Variants in KIAA1217 observed in about 807,000 individuals in gnomAD.
KIAA1217 encodes KIAA1217.
In KIAA1217, 88 loss-of-function variants were observed where a neutral mutation model predicts 163.9. The ratio of observed to expected loss-of-function variants is 0.54; its 90% CI spans 0.45 to 0.64. KIAA1217 has a LOEUF of 0.64. Ranked by LOEUF, KIAA1217 falls within the 30% of genes least tolerant of loss-of-function variation. KIAA1217 has a pLI of 0.00. For missense variants in KIAA1217, 2,372 were observed against 2,475.0 expected (o/e 0.96, Z 0.88); for synonymous variants, 903 against 923.1 (o/e 0.98, Z 0.39).
intron 2 of KIAA1217, among the ~76,000 whole-genome samples, chr10:24,254,856 A>ATTT (rs201463239): frequency 7.0e-6 from 1 of 143,114 alleles, no homozygotes; most frequent in Non-Finnish European, 1.5e-5. Context: ...TTCAACTCTA[A>ATTT]TTTTTTTTTT....
intron 1 of KIAA1217, among the ~76,000 whole-genome samples, chr10:23,872,434 G>C (rs1840498073): frequency 6.6e-6 from 1 of 152,106 alleles, no homozygotes; most frequent in Admixed American, 6.6e-5. Context: ...GAGAGGCTAA[G>C]CATGCTGTTT....
chr10:24,524,069 G>A (rs190585609), intron 12 of KIAA1217, among the ~76,000 whole-genome samples: 37 of 152,292 alleles, frequency 2.4e-4, no homozygotes, highest in Middle Eastern at 3.4e-3. Flanking sequence ...AGAATCAGGC[G>A]GAGGAGTTAG....
chr10:24,230,497 G>GTT (rs1466924722), intron 2 of KIAA1217, among the ~76,000 whole-genome samples: 575 of 48,134 alleles, frequency 0.012, 7 homozygotes, highest in African/African-American at 0.034. Context: ...ACTACTATTT[G>GTT]TTTTGTTTTT....
At chr10:23,861,362 G>A (rs183929779) in intron 1 of KIAA1217, among the ~76,000 whole-genome samples, 72 of 152,284 alleles carry the variant, frequency 4.7e-4, no homozygotes, top group Non-Finnish European at 8.8e-5. Flanking sequence ...TTATAGTAGT[G>A]GTTTTCTGAG....
intron 1 of KIAA1217, among the ~76,000 whole-genome samples, chr10:24,006,848 C>A (rs1004598687): frequency 6.6e-6 from 1 of 152,108 alleles, no homozygotes; most frequent in Non-Finnish European, 1.5e-5. Context: ...ATTAGAGATG[C>A]GAGTCTGCAA....
chr10:23,787,700 G>T (rs1835556352), intron 1 of KIAA1217, among the ~76,000 whole-genome samples: 1 of 152,046 alleles, frequency 6.6e-6, no homozygotes, highest in African/African-American at 2.4e-5. Context: ...AATTCAATGT[G>T]TTACATGCAT....
At chr10:24,479,643 G>A (rs938081739) in intron 6 of KIAA1217, among the ~76,000 whole-genome samples, 2 of 152,162 alleles carry the variant, frequency 1.3e-5, no homozygotes, top group African/African-American at 4.8e-5. Context: ...CTGAGACTGG[G>A]TACTTTGTAA....
chr10:23,970,085 G>T (rs986257981), intron 1 of KIAA1217, among the ~76,000 whole-genome samples: 3 of 152,148 alleles, frequency 2.0e-5, no homozygotes, highest in Non-Finnish European at 4.4e-5. Context: ...ACACCACATG[G>T]GAATTATGGG....
intron 5 of KIAA1217, among the ~76,000 whole-genome samples, chr10:24,456,375 GCTCA>G (rs2061791568): frequency 6.6e-6 from 1 of 152,136 alleles, no homozygotes; most frequent in South Asian, 2.1e-4. Flanking sequence ...CTGCCTCACA[GCTCA>G]CTGAGTGGGC....
chr10:24,056,985 A>G (rs2060552904), intron 2 of KIAA1217, among the ~76,000 whole-genome samples: 1 of 152,178 alleles, frequency 6.6e-6, no homozygotes, highest in South Asian at 2.1e-4. Flanking sequence ...AATAGAAGGT[A>G]TACTTTAAAA....
intron 2 of KIAA1217, among the ~76,000 whole-genome samples, chr10:24,337,626 TTTTCTTTTCTTTTCTTTTCTTTTC>T (rs576352209): frequency 0.14 from 10,356 of 75,674 alleles, 652 homozygotes; most frequent in African/African-American, 0.19. Context: ...TTTTCTTTTC[TTTTCTTTTCTTTTCTTTTCTTTTC>T]TTTTTTTTTT....
chr10:24,425,324 A>C (rs1382941093), intron 3 of KIAA1217, among the ~76,000 whole-genome samples: 2 of 152,164 alleles, frequency 1.3e-5, no homozygotes, highest in African/African-American at 2.4e-5. Context: ...CTTGAACCTA[A>C]CGAAACCAAG....
chr10:24,312,427 G>A (rs2042821351), intron 2 of KIAA1217, among the ~76,000 whole-genome samples: 1 of 152,152 alleles, frequency 6.6e-6, no homozygotes, highest in East Asian at 1.9e-4. Context: ...ATCAGCCTGG[G>A]CAAGATGGTA....
chr10:23,740,535 A>AT (rs1445865448), intron 1 of KIAA1217, among the ~76,000 whole-genome samples: 1 of 152,074 alleles, frequency 6.6e-6, no homozygotes, highest in Non-Finnish European at 1.5e-5. Context: ...ATTTTTTAAA[A>AT]TTTTTGTAAA....
At chr10:24,363,556 GTTT>G (rs752038960) in intron 2 of KIAA1217, among the ~76,000 whole-genome samples, 1 of 78,438 alleles carries the variant, frequency 1.3e-5, no homozygotes, top group African/African-American at 4.1e-5. Context: ...TTTTTTGTGG[GTTT>G]TGTTTTTGTT....
intron 2 of KIAA1217, among the ~76,000 whole-genome samples, chr10:24,258,515 G>A (rs2075389222): frequency 6.6e-6 from 1 of 151,586 alleles, no homozygotes; most frequent in African/African-American, 2.4e-5. Context: ...ACTAGCCTAA[G>A]CCTTCATACT....
intron 5 of KIAA1217, among the ~76,000 whole-genome samples, chr10:24,468,186 C>T (rs1396873710): frequency 1.3e-5 from 2 of 152,162 alleles, no homozygotes; most frequent in African/African-American, 4.8e-5. Context: ...AAACATCCCT[C>T]CAGTGATGTC....
chr10:23,907,713 C>T (rs932336860), intron 1 of KIAA1217, among the ~76,000 whole-genome samples: 2 of 152,088 alleles, frequency 1.3e-5, no homozygotes, highest in African/African-American at 2.4e-5. Flanking sequence ...AGCCTACCGA[C>T]TCAAACGTCA....
intron 2 of KIAA1217, among the ~76,000 whole-genome samples, chr10:24,109,740 A>T (rs1009945280): frequency 1.3e-5 from 2 of 152,234 alleles, no homozygotes; most frequent in African/African-American, 4.8e-5. Context: ...TGTTTGGGGG[A>T]TATAAAAAAT....
Sources: gnomAD v4.1 joint callset for allele counts (sites outside exome capture counted in the v4.1 genomes callset) on GRCh38, gnomAD v4.1.1 for gene constraint, MANE v1.5 for transcripts, NCBI Gene and HGNC (gene_info 2026-07-23, HGNC 2026-07-21) for gene names.